CABCOCO1: variants seen among roughly 807,000 people sequenced by gnomAD.
CABCOCO1 encodes ciliary-associated calcium-binding coiled-coil protein 1.
A neutral mutation model predicts 35.7 loss-of-function variants in CABCOCO1; 28 were observed. That is an observed-to-expected ratio of 0.78 (90% CI 0.58 to 1.07). CABCOCO1 has a LOEUF of 1.07. Ranked by LOEUF, CABCOCO1 falls within the 50% of genes least tolerant of loss-of-function variation. The probability of loss-of-function intolerance (pLI) is 0.00; values close to 1 mark genes in which losing one functional copy is unlikely to be tolerated. For missense variants in CABCOCO1, 326 were observed against 309.2 expected, an observed-to-expected ratio of 1.05 and a Z score of -0.41; for synonymous variants, 95 against 100.1, an observed-to-expected ratio of 0.95 and a Z score of 0.30.
intron 5 of CABCOCO1, among the ~76,000 whole-genome samples, chr10:61,743,522 T>C (rs1319681043): frequency 6.6e-6 from 1 of 152,170 alleles, no homozygotes; most frequent in East Asian, 1.9e-4. Context: ...TTACTATCAA[T>C]CAGCCGGTCA....
In CABCOCO1 at chr10:61,690,620, A is replaced by T. The variant is rs778867368; in HGVS notation, c.551A>T (p.Glu184Val). The change falls in exon 5 of 8, where the codon GAG (glutamate) becomes GTG (valine). Residue 184 changes from glutamate (E) to valine (V), a missense_variant and splice_region_variant. Glu to Val is a moderately radical substitution (Grantham distance 121). Coordinates refer to ENST00000648843, the MANE Select transcript of CABCOCO1 (RefSeq NM_001366906.2). The stretch of plus-strand genomic sequence containing the variant: ...AGGGAAGAAATTGTGATAGGAACTG[A>T]GGTAAGTAATTTATCTAGATGGAAC... ...SAREEIVIGT[E>V]QVIEVVKSAC... 1.3e-6 allele frequency: 2 copies of T among 1,584,526 alleles called. No individual in the cohort carries two copies. The highest frequency in any genetic ancestry group is 8.7e-7 in the Non-Finnish European group (1 of 1,154,600).
chr10:61,759,415 ACT>A (rs1841962328), intron 5 of CABCOCO1, among the ~76,000 whole-genome samples: 1 of 151,184 alleles, frequency 6.6e-6, no homozygotes, highest in Admixed American at 6.6e-5. Flanking sequence ...GGCTTCCTTG[ACT>A]CTCCTTTTCC....
intron 3 of CABCOCO1, among the ~76,000 whole-genome samples, chr10:61,683,638 A>C (rs1022546235): frequency 6.6e-6 from 1 of 152,122 alleles, no homozygotes; most frequent in African/African-American, 2.4e-5. Flanking sequence ...ATCATCCTAC[A>C]TTTTCCAATT....
At chr10:61,754,873 G>A (rs1841864689) in intron 5 of CABCOCO1, among the ~76,000 whole-genome samples, 1 of 152,104 alleles carries the variant, frequency 6.6e-6, no homozygotes, top group Admixed American at 6.6e-5. Context: ...GTATGCTGTG[G>A]ATAAAAATAG....
intron 5 of CABCOCO1, among the ~76,000 whole-genome samples, chr10:61,752,093 G>A (rs1841801537): frequency 6.6e-6 from 1 of 152,174 alleles, no homozygotes; most frequent in Non-Finnish European, 1.5e-5. Flanking sequence ...AAAAGCCAGG[G>A]AAACTTAGAG....
chr10:61,762,879 C>T (rs1842035521), intron 7 of CABCOCO1, among the ~76,000 whole-genome samples: 2 of 152,044 alleles, frequency 1.3e-5, no homozygotes, highest in African/African-American at 4.8e-5. Context: ...CACGTTTACC[C>T]TTGTGTCTTG....
chr10:61,700,946 CAT>C (rs1310022079), intron 5 of CABCOCO1, among the ~76,000 whole-genome samples: 1 of 63,394 alleles, frequency 1.6e-5, no homozygotes, highest in East Asian at 6.0e-3. Context: ...CATATACATA[CAT>C]GTATACATAT....
intron 7 of CABCOCO1, among the ~76,000 whole-genome samples, chr10:61,763,533 G>A (rs1000480783): frequency 2.6e-5 from 4 of 151,860 alleles, no homozygotes; most frequent in Non-Finnish European, 1.5e-5. Context: ...ATACCCAAGG[G>A]AGCAAACTTA....
chr10:61,720,917 C>CTTTTTTTTTTTTTTTTTTTT lies in CABCOCO1; in HGVS notation c.552+30302_552+30321dup. On this transcript the variant is annotated intron_variant, in intron 5 of 7. Transcript: ENST00000648843. ...TGCTTTTTCTTCTTTTCTTTTCATT[C>CTTTTTTTTTTTTTTTTTTTT]TTTTTTTTTTTTTTTTTTTTTTTTT... Among the ~76,000 whole-genome samples, 85 of 66,012 alleles carry CTTTTTTTTTTTTTTTTTTTT rather than the reference C, an allele frequency of 1.3e-3. 14 individuals carry two copies. Among genetic ancestry groups the CTTTTTTTTTTTTTTTTTTTT allele is most frequent in the South Asian group, 1.9e-3 (3 of 1,562 alleles). The allele number at this position is 66,012 out of a possible 152,430, so 43.3% of individuals were successfully genotyped here.
chr10:61,686,186 G>T lies in CABCOCO1; in HGVS notation c.479+1G>T. On this transcript the variant is annotated splice_donor_variant, in intron 4 of 7. Coordinates refer to ENST00000648843, the MANE Select transcript of CABCOCO1 (RefSeq NM_001366906.2). LOFTEE classifies it high-confidence loss of function. Reference sequence around the variant, plus strand: ...CTATCATTGATTACTTAAAAATCAGGTATGGATTATTTTCAGTAACATTTA... The same window carrying T: ...CTATCATTGATTACTTAAAAATCAGTTATGGATTATTTTCAGTAACATTTA... The T allele has an allele frequency of 5.1e-6, 8 of 1,553,746 alleles. No individual in the cohort carries two copies. Among genetic ancestry groups the T allele is most frequent in the Admixed American group, 2.3e-5 (1 of 44,038 alleles).
chr10:61,700,635 G>A (rs1450544674), intron 5 of CABCOCO1, among the ~76,000 whole-genome samples: 1 of 152,030 alleles, frequency 6.6e-6, no homozygotes, highest in African/African-American at 2.4e-5. Context: ...TTTGAGCCAA[G>A]GATTGTCCTT....
chr10:61,679,836 G>A (rs1204228150), intron 2 of CABCOCO1, among the ~76,000 whole-genome samples: 1 of 151,826 alleles, frequency 6.6e-6, no homozygotes, highest in Non-Finnish European at 1.5e-5. Flanking sequence ...AACATATGAA[G>A]CAACTACAGA....
chr10:61,682,996 T>C (rs1237056506), intron 3 of CABCOCO1, among the ~76,000 whole-genome samples: 1 of 151,722 alleles, frequency 6.6e-6, no homozygotes, highest in East Asian at 1.9e-4. Context: ...ATTCAAGCGA[T>C]TCTCCTGCCT....
chr10:61,667,241 T>A (rs983958646), intron 1 of CABCOCO1, among the ~76,000 whole-genome samples: 108 of 148,596 alleles, frequency 7.3e-4, no homozygotes, highest in African/African-American at 2.5e-3. Flanking sequence ...ATTTTAAAAA[T>A]TTTGTATATG....
chr10:61,763,790 T>TA (rs548021084), intron 7 of CABCOCO1, among the ~76,000 whole-genome samples: 1,457 of 137,566 alleles, frequency 0.011, 14 homozygotes, highest in African/African-American at 0.027. Context: ...TTTTTTTCCT[T>TA]AAAAAAAAAA....
intron 5 of CABCOCO1, among the ~76,000 whole-genome samples, chr10:61,701,042 G>A (rs1031366595): frequency 6.6e-6 from 1 of 151,876 alleles, no homozygotes; most frequent in Admixed American, 6.6e-5. Flanking sequence ...AGTAGTCCTG[G>A]GTTGTCAAGA....
chr10:61,720,865 T>TA (rs2132040710), intron 5 of CABCOCO1, among the ~76,000 whole-genome samples: 1 of 151,660 alleles, frequency 6.6e-6, no homozygotes, highest in South Asian at 2.1e-4. Flanking sequence ...ATATTTTTGT[T>TA]AGATTGTATT....
chr10:61,743,450 C>T (rs1358233956), intron 5 of CABCOCO1, among the ~76,000 whole-genome samples: 1 of 152,018 alleles, frequency 6.6e-6, no homozygotes, highest in Non-Finnish European at 1.5e-5. Flanking sequence ...TTTCCCTTTC[C>T]ATTTTTCTAA....
chr10:61,664,771 G>A (rs1318336725), intron 1 of CABCOCO1, among the ~76,000 whole-genome samples: 1 of 152,174 alleles, frequency 6.6e-6, no homozygotes, highest in African/African-American at 2.4e-5. Flanking sequence ...GATGCATAGA[G>A]CTGTGTCATT....
Sources: gnomAD v4.1 joint callset for allele counts (sites outside exome capture counted in the v4.1 genomes callset) on GRCh38, gnomAD v4.1.1 for gene constraint, MANE v1.5 for transcripts, NCBI Gene and HGNC (gene_info 2026-07-23, HGNC 2026-07-21) for gene names.